CDC42BPA: variants seen among roughly 807,000 people sequenced by gnomAD.
CDC42BPA encodes CDC42 binding protein kinase alpha.
A neutral mutation model predicts 223.5 loss-of-function variants in CDC42BPA; 80 were observed. That is an observed-to-expected ratio of 0.36 (90% CI 0.30 to 0.43). The LOEUF (loss-of-function observed/expected upper bound fraction) is 0.43. CDC42BPA is among the 20% of genes least tolerant of loss of function. The pLI is 1.00. For synonymous variants in CDC42BPA, 694 were observed against 718.6 expected (o/e 0.97, Z 0.55); for missense variants, 1,743 against 2,099.9 (o/e 0.83, Z 3.32).
At chr1:227,281,960 C>T (rs980713074) in intron 1 of CDC42BPA, among the ~76,000 whole-genome samples, 4 of 152,002 alleles carry the variant, frequency 2.6e-5, no homozygotes, top group Admixed American at 6.6e-5. Context: ...GAGGCTGAGG[C>T]GGGTGGATCA....
At position 227,031,455 on chromosome 1, in the gene CDC42BPA, G is replaced by C. The variant is rs780139970; in HGVS notation, c.3618C>G (p.Asp1206Glu). 6.2e-7 allele frequency: 1 copy of C among 1,613,950 alleles called. No homozygotes were observed. The highest frequency in any genetic ancestry group is 1.3e-5 in the African/African-American group (1 of 74,916). The change falls in exon 28 of 37, where the codon GAC becomes GAG. Residue 1206 changes from aspartate (D) to glutamate (E), a missense_variant. By Grantham distance (45) the Asp-to-Glu change is conservative. This residue lies in a region of CDC42BPA where 678 missense variants were observed against 777.5 expected (regional missense o/e 0.87). Transcript: ENST00000366766. Reference sequence around the variant, plus strand: ...CCCACTTATTCTTCTCATTCTCAGTGTCTGCTAGCATCAGGATTGAACATT... The same window carrying C: ...CCCACTTATTCTTCTCATTCTCAGTCTCTGCTAGCATCAGGATTGAACATT... Reference protein sequence around the residue: ...NNKCSILMLADTENEKNKWVG... With the variant: ...NNKCSILMLAETENEKNKWVG...
intron 5 of CDC42BPA, 36 bp downstream of exon 5, chr1:227,193,749 GT>G: frequency 6.6e-7 from 1 of 1,507,060 alleles, no homozygotes; most frequent in Non-Finnish European, 8.9e-7. Flanking sequence ...ATATTACATG[GT>G]AACTCACAGC....
Position 227,187,686 on chromosome 1 carries a change from C to T in CDC42BPA, c.599+6100G>A, listed in dbSNP as rs1352916384. On this transcript the variant is annotated intron_variant, in intron 5 of 36. Transcript: ENST00000366766. ...GGATAAATGGCACCCCCCACCCCCC[C>T]CCCAAAAAAAAAAAACTATACCTAG... 3.7e-5 allele frequency among the ~76,000 whole-genome samples: 3 copies of T among 81,912 alleles called. No homozygotes were observed. The Admixed American group carries it at 4.8e-4, about 13-fold the overall frequency. The allele number at this position is 81,912 out of a possible 152,430, so 53.7% of individuals were successfully genotyped here.
intron 2 of CDC42BPA, among the ~76,000 whole-genome samples, chr1:227,223,193 G>A (rs1474846821): frequency 6.6e-6 from 1 of 152,120 alleles, no homozygotes; most frequent in Admixed American, 6.5e-5. Context: ...AAAGGGGACT[G>A]AAATGGATGT....
chr1:227,210,234 C>T (rs954696717), intron 3 of CDC42BPA, among the ~76,000 whole-genome samples: 11 of 152,112 alleles, frequency 7.2e-5, no homozygotes, highest in African/African-American at 2.4e-4. Flanking sequence ...TGGGTATATA[C>T]CCAGTAATGG....
intron 2 of CDC42BPA, among the ~76,000 whole-genome samples, chr1:227,228,972 T>C (rs1486203852): frequency 1.3e-5 from 2 of 152,194 alleles, no homozygotes; most frequent in Non-Finnish European, 2.9e-5. Context: ...CTGTGAGTTG[T>C]CTTTTTCCTT....
intron 5 of CDC42BPA, among the ~76,000 whole-genome samples, chr1:227,175,134 G>T (rs1473450748): frequency 6.6e-6 from 1 of 152,076 alleles, no homozygotes; most frequent in Non-Finnish European, 1.5e-5. Flanking sequence ...TGATTATCAG[G>T]AAATATATTT....
At chr1:227,050,070 A>G (rs144279261) in intron 22 of CDC42BPA, among the ~76,000 whole-genome samples, 2 of 152,314 alleles carry the variant, frequency 1.3e-5, no homozygotes, top group African/African-American at 4.8e-5. Context: ...AAATTTTAAA[A>G]TAAGCCACAG....
intron 1 of CDC42BPA, among the ~76,000 whole-genome samples, chr1:227,279,077 T>G (rs1687599571): frequency 6.6e-6 from 1 of 152,206 alleles, no homozygotes; most frequent in East Asian, 1.9e-4. Context: ...CAGAAGGTAT[T>G]TCCTGAAGGT....
At chr1:227,220,115 A>G (rs940410151) in intron 2 of CDC42BPA, among the ~76,000 whole-genome samples, 12 of 151,968 alleles carry the variant, frequency 7.9e-5, no homozygotes, top group Non-Finnish European at 1.6e-4. Context: ...CTCTGCTGCC[A>G]CCAACTCCCC....
intron 4 of CDC42BPA, among the ~76,000 whole-genome samples, chr1:227,197,613 G>T (rs1367795883): frequency 1.3e-5 from 2 of 151,910 alleles, no homozygotes; most frequent in Non-Finnish European, 2.9e-5. Flanking sequence ...ATAAAATTTG[G>T]TATTTGGGTA....
chr1:227,290,986 C>T (rs1013586116), intron 1 of CDC42BPA, among the ~76,000 whole-genome samples: 3 of 152,156 alleles, frequency 2.0e-5, no homozygotes, highest in African/African-American at 7.2e-5. Flanking sequence ...ATTCCGTCTT[C>T]CTAAACAGAA....
At chr1:227,185,970 T>C (rs1271041607) in intron 5 of CDC42BPA, among the ~76,000 whole-genome samples, 2 of 152,086 alleles carry the variant, frequency 1.3e-5, no homozygotes, top group Non-Finnish European at 2.9e-5. Context: ...TCTTCTTAGA[T>C]ATGTAAGAGA....
At chr1:227,162,864 A>ATGTGTGTGTGTGTGTGTG (rs1261183207) in intron 5 of CDC42BPA, among the ~76,000 whole-genome samples, 116 of 26,168 alleles carry the variant, frequency 4.4e-3, no homozygotes, top group Non-Finnish European at 6.2e-3. Context: ...TAAAATAAAT[A>ATGTGTGTGTGTGTGTGTG]TATATGTGTG....
chr1:227,005,787 A>G (rs1663900020), intron 34 of CDC42BPA, among the ~76,000 whole-genome samples: 1 of 152,198 alleles, frequency 6.6e-6, no homozygotes, highest in South Asian at 2.1e-4. Flanking sequence ...TGGAAGATTT[A>G]CCTACTCCTT....
chr1:227,108,419 T>C (rs549334677), intron 14 of CDC42BPA, among the ~76,000 whole-genome samples: 6 of 152,118 alleles, frequency 3.9e-5, no homozygotes, highest in African/African-American at 1.2e-4. Context: ...GTTTTTTTTT[T>C]CCCTGTAATT....
chr1:227,130,781 G>C (rs879290544), intron 10 of CDC42BPA, among the ~76,000 whole-genome samples: 6 of 152,154 alleles, frequency 3.9e-5, no homozygotes, highest in Non-Finnish European at 5.9e-5. Flanking sequence ...CTTGAACCTG[G>C]GAGGCAGAGG....
intron 2 of CDC42BPA, among the ~76,000 whole-genome samples, chr1:227,242,967 T>C (rs1680265834): frequency 6.6e-6 from 1 of 152,142 alleles, no homozygotes. Context: ...GTGGTACATA[T>C]ACACCATGGA....
At chr1:227,203,592 T>TA (rs1257267524) in intron 3 of CDC42BPA, among the ~76,000 whole-genome samples, 1 of 152,110 alleles carries the variant, frequency 6.6e-6, no homozygotes, top group Non-Finnish European at 1.5e-5. Flanking sequence ...CTCCCCCCTT[T>TA]AAAAACAGAA....
Sources: allele counts gnomAD v4.1 joint callset (sites outside exome capture counted in the v4.1 genomes callset), GRCh38; gene constraint gnomAD v4.1.1; regional missense constraint gnomAD v4.1.1; transcripts MANE v1.5; gene names NCBI Gene and HGNC (gene_info 2026-07-23, HGNC 2026-07-21).